Variants in GPATCH1 observed in about 807,000 individuals in gnomAD.
GPATCH1 encodes G patch domain-containing protein 1.
Under a neutral mutation model 114.9 loss-of-function variants are expected in GPATCH1, and 73 were observed. The observed-to-expected ratio is 0.64, with a 90% CI of 0.53 to 0.77. The LOEUF is 0.77. Among genes scored for constraint, GPATCH1 ranks in the 30% least tolerant of loss-of-function variants. The pLI is 0.00. For synonymous variants in GPATCH1, 391 were observed against 428.4 expected, an observed-to-expected ratio of 0.91 and a Z score of 1.08; for missense variants, 1,058 against 1,144.3, an observed-to-expected ratio of 0.92 and a Z score of 1.09.
intron 17 of GPATCH1, among the ~76,000 whole-genome samples, chr19:33,121,787 A>G (rs1972988035): frequency 6.6e-6 from 1 of 152,184 alleles, no homozygotes; most frequent in Non-Finnish European, 1.5e-5. Flanking sequence ...CTGGTTTATC[A>G]TCTCTTTGAG....
At chr19:33,127,825 C>T (rs1053587664) in intron 19 of GPATCH1, among the ~76,000 whole-genome samples, 1 of 151,874 alleles carries the variant, frequency 6.6e-6, no homozygotes, top group African/African-American at 2.4e-5. Flanking sequence ...TCTCCTACCT[C>T]AGCCTCCCAA....
chr19:33,130,006 A>G lies in GPATCH1; in HGVS notation c.2766-124A>G, dbSNP rs1973085196. ...CTTCATTGTGGGTTATTGTGAGTGC[A>G]TTTTGTAGGTGCAGACATGCTGCTG... On this transcript the variant is annotated intron_variant, in intron 19 of 19. Coordinates refer to ENST00000170564, the MANE Select transcript of GPATCH1 (RefSeq NM_018025.3). The G allele has an allele frequency of 4.4e-6, 3 of 685,288 alleles. No individual in the cohort carries two copies. In the South Asian group the frequency reaches 5.2e-5, roughly 12 times the overall value. 42.5% of individuals were successfully genotyped at this position (685,288 alleles called of 1,614,324 possible).
chr19:33,120,705 A>G (rs1480454908), intron 17 of GPATCH1, among the ~76,000 whole-genome samples: 1 of 151,902 alleles, frequency 6.6e-6, no homozygotes, highest in Non-Finnish European at 1.5e-5. Context: ...ATTTAAAAAA[A>G]AAGGGTGGGC....
Position 33,112,525 on chromosome 19 carries a change from A to G in GPATCH1, c.1804A>G (p.Met602Val), listed in dbSNP as rs1484614403. The change falls in exon 13 of 20, where the codon ATG becomes GTG. Residue 602 changes from methionine to valine, a missense_variant. Coordinates refer to ENST00000170564, the MANE Select transcript of GPATCH1 (RefSeq NM_018025.3). ...GDKQSAVKMKMFGKLTRDTFE... is the reference protein window; with the variant it reads ...GDKQSAVKMKVFGKLTRDTFE... ...TAAGCAGTCGGCTGTGAAGATGAAGATGTTTGGGAAGCTCACCCGAGACAC... is the reference window on the plus strand; with the variant it reads ...TAAGCAGTCGGCTGTGAAGATGAAGGTGTTTGGGAAGCTCACCCGAGACAC... The G allele has an allele frequency of 2.5e-6, 4 of 1,613,984 alleles. No individual in the cohort carries two copies. Among genetic ancestry groups the G allele is most frequent in the East Asian group, 4.5e-5 (2 of 44,878 alleles).
Position 33,112,470 on chromosome 19 carries a change from G to T in GPATCH1, c.1765-16G>T. ...GTGCGGCCACTTGATGGAACAGAATGCATGTCTTTTTCCAGAATGATGTCG... is the reference window on the plus strand; with the variant it reads ...GTGCGGCCACTTGATGGAACAGAATTCATGTCTTTTTCCAGAATGATGTCG... On this transcript the variant is annotated splice_polypyrimidine_tract_variant and intron_variant, in intron 12 of 19. Coordinates refer to ENST00000170564, the MANE Select transcript of GPATCH1 (RefSeq NM_018025.3). 6.2e-7 allele frequency: 1 copy of T among 1,613,888 alleles called. No individual in the cohort carries two copies. The highest frequency in any genetic ancestry group is 1.1e-5 in the South Asian group (1 of 91,056).
In GPATCH1 at chr19:33,109,922, C is replaced by T; in HGVS notation, c.1491C>T (p.Thr497=). ...WNMALGGGTA[T]LKASNFKPFA... is the part of the protein sequence containing the mutation. ...TGGCATTAGGTGGTGGGACGGCCACCTTAAAAGCCAGCAACTTCAAGCCTT... is the reference window on the plus strand; with the variant it reads ...TGGCATTAGGTGGTGGGACGGCCACTTTAAAAGCCAGCAACTTCAAGCCTT... Residue 497 remains threonine (T), a synonymous_variant, in exon 11 of 20, where the codon ACC becomes ACT. Transcript: ENST00000170564. The T allele has an allele frequency of 6.2e-7, 1 of 1,614,168 alleles. No individual in the cohort carries two copies. Among genetic ancestry groups the T allele is most frequent in the Non-Finnish European group, 8.5e-7 (1 of 1,180,016 alleles).
chr19:33,126,341 G>A (rs774542809), intron 18 of GPATCH1, among the ~76,000 whole-genome samples: 1 of 152,188 alleles, frequency 6.6e-6, no homozygotes, highest in African/African-American at 2.4e-5. Flanking sequence ...GATAGGTCCT[G>A]TCTGCGCCTT....
chr19:33,100,723 G>A (rs754416987), intron 8 of GPATCH1, among the ~76,000 whole-genome samples: 4 of 151,546 alleles, frequency 2.6e-5, no homozygotes, highest in Non-Finnish European at 5.9e-5. Context: ...TGCTGTTCCT[G>A]CTTCAGGCCT....
intron 9 of GPATCH1, among the ~76,000 whole-genome samples, chr19:33,104,347 G>GAAA (rs1568343920): frequency 7.1e-6 from 1 of 140,502 alleles, no homozygotes; most frequent in African/African-American, 2.8e-5. Flanking sequence ...TCAAAAAAAA[G>GAAA]AAAGAAATAC....
In GPATCH1 at chr19:33,092,340, C is replaced by T. The variant is rs148763917; in HGVS notation, c.295-1019C>T. Among the ~76,000 whole-genome samples, 236 of 152,230 alleles carry T rather than the reference C, an allele frequency of 1.6e-3. 4 individuals are homozygous for T. The highest frequency in any genetic ancestry group is 5.5e-3 in the African/African-American group (230 of 41,542). ...TGCTGGGATTACAGGTGTGAGCCAC[C>T]GCACCCGGCAGTCTCTTTTCTTAAA... is the stretch of plus-strand genomic sequence containing the variant. On this transcript the variant is annotated intron_variant, in intron 3 of 19. Coordinates refer to ENST00000170564, the MANE Select transcript of GPATCH1 (RefSeq NM_018025.3).
Position 33,095,781 on chromosome 19 carries a change from T to TGGCTG in GPATCH1, c.574_578dup (p.Cys193TrpfsTer25). On this transcript the variant is annotated frameshift_variant, in exon 6 of 20. Transcript: ENST00000170564. LOFTEE classifies it high-confidence loss of function. ...TTCTAGATCCTGGAGTCAAAATCTATGGCTGTGCATTACCCCCTGGAAGCT... is the reference window on the plus strand; with the variant it reads ...TTCTAGATCCTGGAGTCAAAATCTATGGCTGGGCTGTGCATTACCCCCTGGAAGCT... 3 of 1,611,262 alleles carry TGGCTG rather than the reference T, an allele frequency of 1.9e-6. No individual in the cohort carries two copies. The highest frequency in any genetic ancestry group is 2.5e-6 in the Non-Finnish European group (3 of 1,177,436).
At chr19:33,099,501 C>A (rs555892341) in intron 8 of GPATCH1, among the ~76,000 whole-genome samples, 72 of 152,172 alleles carry the variant, frequency 4.7e-4, no homozygotes, top group East Asian at 5.8e-4. Context: ...TCTCTCCCCC[C>A]CTGCAGGGTC....
At position 33,088,687 on chromosome 19, in the gene GPATCH1, T is replaced by G. The variant is rs1034753511; in HGVS notation, c.208+419T>G. Among the ~76,000 whole-genome samples the G allele has an allele frequency of 2.2e-5, 3 of 134,366 alleles. No individual in the cohort carries two copies. In the Admixed American group the frequency reaches 2.3e-4, roughly 10 times the overall value. 88.1% of individuals were successfully genotyped at this position (134,366 alleles called of 152,430 possible). A position where few individuals can be genotyped will look rare whatever the true frequency, so the allele number is the denominator to read the frequency against. ...TTTTTTTTTTTTTGCGATGGAGTCT[T>G]GCACTGTTGCCCAGGCTGGAGGGCA... On this transcript the variant is annotated intron_variant, in intron 2 of 19. Coordinates refer to ENST00000170564, the MANE Select transcript of GPATCH1 (RefSeq NM_018025.3).
Position 33,114,338 on chromosome 19 carries a change from A to ACCT in GPATCH1, c.2115_2116insCCT (p.Ser705_Lys706insPro), listed in dbSNP as rs751938268. On this transcript the variant is annotated inframe_insertion, in exon 15 of 20. Coordinates refer to ENST00000170564, the MANE Select transcript of GPATCH1 (RefSeq NM_018025.3). ...GTGAATTTTTAAGTTTGGCTAGATC[A>ACCT]AAAGCCGAGCCACCTAAACAACAGT... The ACCT allele has an allele frequency of 1.2e-6, 2 of 1,613,470 alleles. No individual in the cohort carries two copies. Among genetic ancestry groups the ACCT allele is most frequent in the South Asian group, 2.2e-5 (2 of 91,056 alleles).
intron 18 of GPATCH1, among the ~76,000 whole-genome samples, chr19:33,125,422 G>A (rs182467494): frequency 6.8e-6 from 1 of 146,878 alleles, no homozygotes; most frequent in Non-Finnish European, 1.5e-5. Context: ...TTTTTGAGAT[G>A]GAGTCTCACT....
rs536759747 is a variant in GPATCH1, at chr19:33,117,916, A to G, written c.2288A>G (p.Asp763Gly). 5.0e-6 allele frequency: 8 copies of G among 1,613,954 alleles called. No homozygotes were observed. The South Asian group carries it at 7.7e-5, about 16-fold the overall frequency. Residue 763 changes from aspartate (D) to glycine (G), a missense_variant, in exon 16 of 20, where the codon GAT becomes GGT. Around this residue, in one of 3 missense-constraint regions of GPATCH1, gnomAD observed 893 missense variants for 977.4 expected, o/e 0.91. Transcript: ENST00000170564. Reference protein sequence around the residue: ...LFRAIFASSSDEKSSSSEDEQ... With the variant: ...LFRAIFASSSGEKSSSSEDEQ... ...AGGGCCATCTTTGCCAGTTCCTCAG[A>G]TGAAAAGTCCTCATCCTCCGAGGAT...
chr19:33,081,400 C>A, intron 1 of GPATCH1, 134 bp downstream of exon 1: 4 of 762,660 alleles, frequency 5.2e-6, no homozygotes, highest in South Asian at 1.6e-5. Flanking sequence ...ACGAGGGAGG[C>A]GTTAGCCGCG....
chr19:33,090,639 G>A lies in GPATCH1; in HGVS notation c.209-141G>A, dbSNP rs1972583401. On this transcript the variant is annotated intron_variant, in intron 2 of 19. Transcript: ENST00000170564. Reference sequence around the variant, plus strand: ...TAAGAAATTTATGTGGAATAATTACGTCTATATAAGCACTGAGATGGGAAG... The same window carrying A: ...TAAGAAATTTATGTGGAATAATTACATCTATATAAGCACTGAGATGGGAAG... 8.8e-6 allele frequency: 5 copies of A among 567,900 alleles called. No individual in the cohort carries two copies. The South Asian group carries it at 9.6e-5, about 11-fold the overall frequency. 35.2% of individuals were successfully genotyped at this position (567,900 alleles called of 1,614,324 possible).
At chr19:33,115,905 G>A (rs1028316180) in intron 15 of GPATCH1, among the ~76,000 whole-genome samples, 6 of 152,038 alleles carry the variant, frequency 3.9e-5, no homozygotes, top group South Asian at 2.1e-4. Flanking sequence ...TTGGATTTAC[G>A]TGTATGATGT....
Sources: gnomAD v4.1 joint callset for allele counts (sites outside exome capture counted in the v4.1 genomes callset) on GRCh38, gnomAD v4.1.1 for gene constraint, gnomAD v4.1.1 regional missense constraint, MANE v1.5 for transcripts, NCBI Gene and HGNC (gene_info 2026-07-23, HGNC 2026-07-21) for gene names.